The following MEI4 variants were observed in gnomAD, a reference collection of about 807,000 sequenced individuals.
MEI4 encodes the protein meiosis-specific protein MEI4.
MEI4 carries 27 observed loss-of-function variants against 31.4 expected under a neutral mutation model. The ratio of observed to expected loss-of-function variants is 0.86; its 90% CI spans 0.63 to 1.19. The LOEUF (loss-of-function observed/expected upper bound fraction) is 1.19. Ranked by LOEUF, MEI4 falls within the 50% of genes most tolerant of loss-of-function variation. The pLI, the probability that MEI4 is intolerant of heterozygous loss-of-function variation, is 0.00. For synonymous variants in MEI4, 122 were observed against 145.4 expected, an observed-to-expected ratio of 0.84 and a Z score of 1.16; for missense variants, 329 against 398.9, an observed-to-expected ratio of 0.82 and a Z score of 1.49.
At position 77,722,623 on chromosome 6, in the gene MEI4, G is replaced by A. The variant is rs918580081; in HGVS notation, c.232+31720G>A. ...TAATGGAGCGGGCATGGTGATTTCC[G>A]CACCCCATTGTTGTAATAAATCTCG... On this transcript the variant is annotated intron_variant, in intron 2 of 4. Transcript: ENST00000684080. Among the ~76,000 whole-genome samples the A allele has an allele frequency of 4.3e-3, 594 of 137,600 alleles. No individual in the cohort carries two copies. In the East Asian group the frequency reaches 0.058, roughly 13 times the overall value. 90.3% of individuals were successfully genotyped at this position (137,600 alleles called of 152,430 possible).
intron 2 of MEI4, among the ~76,000 whole-genome samples, chr6:77,692,799 C>G (rs900304308): frequency 6.6e-6 from 1 of 152,024 alleles, no homozygotes; most frequent in Admixed American, 6.6e-5. Flanking sequence ...CCAAGTTTCT[C>G]TGAGTGTAGG....
At chr6:77,668,170 C>A (rs1768673028) in intron 1 of MEI4, among the ~76,000 whole-genome samples, 7 of 151,932 alleles carry the variant, frequency 4.6e-5, no homozygotes, top group Admixed American at 3.9e-4. Context: ...AGAGGGGCTG[C>A]CAGAATGAAA....
intron 2 of MEI4, among the ~76,000 whole-genome samples, chr6:77,734,962 C>A (rs1205064080): frequency 6.6e-6 from 1 of 151,780 alleles, no homozygotes; most frequent in Non-Finnish European, 1.5e-5. Flanking sequence ...GAATATTGGC[C>A]CCCACTCTCT....
intron 3 of MEI4, among the ~76,000 whole-genome samples, chr6:77,769,168 G>A (rs1479685277): frequency 6.6e-6 from 1 of 152,148 alleles, no homozygotes; most frequent in East Asian, 1.9e-4. Flanking sequence ...GCGGCCATAT[G>A]GCACAGAAAG....
chr6:77,876,942 T>C (rs940230941), intron 4 of MEI4, among the ~76,000 whole-genome samples: 1 of 152,016 alleles, frequency 6.6e-6, no homozygotes, highest in Non-Finnish European at 1.5e-5. Flanking sequence ...GAAAGAAAAA[T>C]GCAGAGTGAA....
In MEI4 at chr6:77,835,903, GTATC is replaced by G. The variant is rs566713844; in HGVS notation, c.900+6843_900+6846del. ...ATGTTGATCTAAAAGGAAGGATGAA[GTATC>G]TGAGAAGGAGAGCTACCCAAATATA... On this transcript the variant is annotated intron_variant, in intron 4 of 4. Transcript: ENST00000684080. 2.7e-3 allele frequency among the ~76,000 whole-genome samples: 410 copies of G among 151,944 alleles called. 4 individuals carry two copies. The highest frequency in any genetic ancestry group is 9.5e-3 in the African/African-American group (394 of 41,492).
intron 1 of MEI4, among the ~76,000 whole-genome samples, chr6:77,665,768 G>C (rs1234520125): frequency 6.6e-6 from 1 of 152,150 alleles, no homozygotes; most frequent in Non-Finnish European, 1.5e-5. Context: ...ATTAAGAGAA[G>C]GGAGAGATTG....
chr6:77,746,253 G>C (rs1355771055), intron 2 of MEI4, among the ~76,000 whole-genome samples: 1 of 152,048 alleles, frequency 6.6e-6, no homozygotes, highest in Non-Finnish European at 1.5e-5. Flanking sequence ...AAAGAGAGAA[G>C]AATCAAATAG....
At chr6:77,897,752 T>G (rs371748845) in intron 4 of MEI4, among the ~76,000 whole-genome samples, 1 of 152,008 alleles carries the variant, frequency 6.6e-6, no homozygotes, top group South Asian at 2.1e-4. Flanking sequence ...TAATACTTAC[T>G]GAGTCTTTTC....
chr6:77,772,497 A>G (rs1768342383), intron 3 of MEI4, among the ~76,000 whole-genome samples: 2 of 152,030 alleles, frequency 1.3e-5, no homozygotes, highest in Admixed American at 6.6e-5. Flanking sequence ...TGGAAAAAGC[A>G]TATGATAAAC....
chr6:77,857,308 A>C (rs996861726), intron 4 of MEI4, among the ~76,000 whole-genome samples: 2 of 152,172 alleles, frequency 1.3e-5, no homozygotes, highest in African/African-American at 4.8e-5. Flanking sequence ...CTATTAAGCA[A>C]ATAGTTGAAG....
intron 4 of MEI4, among the ~76,000 whole-genome samples, chr6:77,909,064 C>G (rs961146713): frequency 1.3e-5 from 2 of 152,102 alleles, no homozygotes; most frequent in Non-Finnish European, 2.9e-5. Flanking sequence ...TTTTCAGCAC[C>G]ACACCACACC....
chr6:77,719,538 G>A (rs1368492610), intron 2 of MEI4, among the ~76,000 whole-genome samples: 2 of 84,668 alleles, frequency 2.4e-5, no homozygotes, highest in African/African-American at 5.2e-5. Context: ...GCAGGGCAGC[G>A]ATCATCTATG....
intron 2 of MEI4, among the ~76,000 whole-genome samples, chr6:77,742,828 T>C (rs552245926): frequency 6.6e-6 from 1 of 152,152 alleles, no homozygotes; most frequent in Non-Finnish European, 1.5e-5. Flanking sequence ...CAGTTTCAGC[T>C]TTCTACATAT....
intron 2 of MEI4, among the ~76,000 whole-genome samples, chr6:77,731,453 T>A (rs1320422923): frequency 2.6e-5 from 4 of 151,008 alleles, no homozygotes; most frequent in African/African-American, 9.8e-5. Flanking sequence ...TTCATGTCCT[T>A]TGCCCACTTT....
intron 2 of MEI4, among the ~76,000 whole-genome samples, chr6:77,751,534 T>C (rs1445948467): frequency 6.6e-6 from 1 of 152,132 alleles, no homozygotes; most frequent in Non-Finnish European, 1.5e-5. Context: ...GGTAAGTTCC[T>C]GAACACATAC....
In MEI4 at chr6:77,727,010, G is replaced by A. The variant is rs374286335; in HGVS notation, c.233-34120G>A. Among the ~76,000 whole-genome samples, 6 of 152,258 alleles carry A rather than the reference G, an allele frequency of 3.9e-5. No individual in the cohort carries two copies. The East Asian group carries it at 1.2e-3, about 29-fold the overall frequency. On this transcript the variant is annotated intron_variant, in intron 2 of 4. Transcript: ENST00000684080. ...ACTAAAGATACTCTTGGGAGGGAAG[G>A]GGGACATGTGTTTAATAAGCCAACA...
At chr6:77,821,518 G>A (rs1481202392) in intron 3 of MEI4, among the ~76,000 whole-genome samples, 8 of 151,980 alleles carry the variant, frequency 5.3e-5, no homozygotes, top group South Asian at 2.1e-4. Context: ...GCTACTGGCC[G>A]GGCATGGTGG....
chr6:77,910,925 G>GTTTTTTTTTTTTTTT (rs58959367), intron 4 of MEI4, among the ~76,000 whole-genome samples: 3 of 120,580 alleles, frequency 2.5e-5, no homozygotes, highest in Non-Finnish European at 3.5e-5. Context: ...CCAGCTTCTG[G>GTTTTTTTTTTTTTTT]TTTTTTTTTT....
Sources: gnomAD v4.1 joint callset for allele counts (sites outside exome capture counted in the v4.1 genomes callset) on GRCh38, gnomAD v4.1.1 for gene constraint, MANE v1.5 for transcripts, NCBI Gene and HGNC (gene_info 2026-07-23, HGNC 2026-07-21) for gene names.